LDAH: variants seen among roughly 807,000 people sequenced by gnomAD.
The protein encoded by LDAH is lipid droplet-associated hydrolase.
In LDAH, 26 loss-of-function variants were observed where a neutral mutation model predicts 29.6. The ratio of observed to expected loss-of-function variants is 0.88; its 90% CI spans 0.64 to 1.22. The LOEUF (loss-of-function observed/expected upper bound fraction) is 1.22, where lower values mean the gene tolerates loss of function less well. Among genes scored for constraint, LDAH ranks in the 50% most tolerant of loss-of-function variants. The pLI is 0.00. For missense variants in LDAH, 344 were observed against 387.3 expected (o/e 0.89, Z 0.94); for synonymous variants, 117 against 133.0 (o/e 0.88, Z 0.83).
intron 1 of LDAH, among the ~76,000 whole-genome samples, chr2:20,815,354 T>A (rs917331114): frequency 2.6e-5 from 4 of 151,724 alleles, no homozygotes; most frequent in African/African-American, 9.7e-5. Flanking sequence ...GAAGAAAGTA[T>A]GGCGCTGAAA....
At chr2:20,795,393 C>A (rs866173715) in intron 2 of LDAH, among the ~76,000 whole-genome samples, 1 of 152,112 alleles carries the variant, frequency 6.6e-6, no homozygotes, top group African/African-American at 2.4e-5. Flanking sequence ...ATTCATGGAG[C>A]CTTATCTGCT....
chr2:20,722,545 T>C (rs1211729628), intron 5 of LDAH, among the ~76,000 whole-genome samples: 1 of 152,000 alleles, frequency 6.6e-6, no homozygotes, highest in Non-Finnish European at 1.5e-5. Context: ...GATAATGCAG[T>C]GGGAAAATTA....
intron 5 of LDAH, among the ~76,000 whole-genome samples, chr2:20,732,089 G>C (rs1239710323): frequency 6.6e-6 from 1 of 152,028 alleles, no homozygotes; most frequent in Non-Finnish European, 1.5e-5. Context: ...TCTAGTCTTA[G>C]AAGAAAAGCA....
intron 1 of LDAH, among the ~76,000 whole-genome samples, chr2:20,814,979 AG>A (rs1305313994): frequency 6.6e-6 from 1 of 152,208 alleles, no homozygotes; most frequent in African/African-American, 2.4e-5. Flanking sequence ...AACTCTGCAG[AG>A]GTTTAAAATC....
chr2:20,799,401 A>G (rs1273972168), intron 2 of LDAH, among the ~76,000 whole-genome samples: 2 of 152,100 alleles, frequency 1.3e-5, no homozygotes, highest in South Asian at 2.1e-4. Context: ...GGTACATGTG[A>G]TATTTCGTTA....
chr2:20,718,679 T>C (rs1480607281), intron 5 of LDAH, among the ~76,000 whole-genome samples: 2 of 152,174 alleles, frequency 1.3e-5, no homozygotes, highest in Non-Finnish European at 2.9e-5. Context: ...AACAGACATT[T>C]ATGAGCATTT....
chr2:20,684,934 A>G lies in LDAH; in HGVS notation c.*1969T>C. 1.3e-6 allele frequency: 2 copies of G among 1,549,914 alleles called. No individual in the cohort carries two copies. Among genetic ancestry groups the G allele is most frequent in the Non-Finnish European group, 1.7e-6 (2 of 1,146,700 alleles). On this transcript the variant is annotated 3_prime_UTR_variant, in exon 7 of 7. Coordinates refer to ENST00000237822, the MANE Select transcript of LDAH (RefSeq NM_021925.4). ...ATCTGATTCTTCCACCTATGAAAAA[A>G]GCAATGAGAAAGGTGGCTTTTCACT...
At chr2:20,719,246 T>C (rs1362614621) in intron 5 of LDAH, among the ~76,000 whole-genome samples, 2 of 118,542 alleles carry the variant, frequency 1.7e-5, no homozygotes, top group African/African-American at 5.8e-5. Context: ...TTTTTAAAGA[T>C]AGACAATACC....
rs1671664859 is a variant in LDAH at position 20,801,546 on chromosome 2, AG to A, written c.-2-82del. ...CAAAGACAAAATTCAAGAATAAAAAAGGGCAAGTTTCAATATACCTAGAAGG... is the reference window on the plus strand; with the variant it reads ...CAAAGACAAAATTCAAGAATAAAAAAGGCAAGTTTCAATATACCTAGAAGG... On this transcript the variant is annotated intron_variant, in intron 1 of 6. Coordinates refer to ENST00000237822, the MANE Select transcript of LDAH (RefSeq NM_021925.4). 5 of 1,235,106 alleles carry A rather than the reference AG, an allele frequency of 4.0e-6. No homozygotes were observed. The East Asian group carries it at 1.2e-4, about 29-fold the overall frequency. 76.5% of individuals were successfully genotyped at this position (1,235,106 alleles called of 1,614,324 possible).
At chr2:20,719,229 T>TC (rs1380394709) in intron 5 of LDAH, among the ~76,000 whole-genome samples, 22 of 150,500 alleles carry the variant, frequency 1.5e-4, no homozygotes, top group Non-Finnish European at 1.5e-4. Flanking sequence ...AAAAAGTTTT[T>TC]TTTTTTTTTT....
chr2:20,753,428 T>C (rs2625569), intron 4 of LDAH, among the ~76,000 whole-genome samples: 88,559 of 152,114 alleles, frequency 0.58, 27,335 homozygotes, highest in South Asian at 0.8. Context: ...CACTGGCTGA[T>C]GGGATACATT....
At chr2:20,813,102 A>T (rs1198880360) in intron 1 of LDAH, among the ~76,000 whole-genome samples, 1 of 152,204 alleles carries the variant, frequency 6.6e-6, no homozygotes, top group African/African-American at 2.4e-5. Context: ...ACTTATATGC[A>T]TATATATAAT....
intron 5 of LDAH, among the ~76,000 whole-genome samples, chr2:20,717,410 A>G (rs1466179581): frequency 6.6e-6 from 1 of 152,242 alleles, no homozygotes; most frequent in Middle Eastern, 3.2e-3. Flanking sequence ...GCTGGAAACC[A>G]AACATCAAGA....
intron 3 of LDAH, chr2:20,788,770 AT>A: frequency 4.4e-6 from 1 of 229,750 alleles, no homozygotes; most frequent in South Asian, 5.6e-5. Flanking sequence ...GAGCATTCCA[AT>A]TGTTACACCT....
intron 4 of LDAH, among the ~76,000 whole-genome samples, chr2:20,750,310 G>A (rs1667886955): frequency 6.6e-6 from 1 of 152,172 alleles, no homozygotes; most frequent in African/African-American, 2.4e-5. Context: ...ACAGGCGTGA[G>A]CCACTGTGCC....
chr2:20,783,424 T>TA (rs556373837), intron 3 of LDAH, among the ~76,000 whole-genome samples: 50 of 152,366 alleles, frequency 3.3e-4, no homozygotes, highest in Admixed American at 2.5e-3. Flanking sequence ...TTTCCACTTA[T>TA]AATAGTGCAG....
At chr2:20,783,212 T>C (rs1297556325) in intron 3 of LDAH, among the ~76,000 whole-genome samples, 2 of 152,182 alleles carry the variant, frequency 1.3e-5, no homozygotes. Context: ...ATTTTAAGTT[T>C]CTTAAGGTAT....
intron 1 of LDAH, among the ~76,000 whole-genome samples, chr2:20,815,831 A>T (rs1467118191): frequency 3.9e-5 from 6 of 152,176 alleles, no homozygotes; most frequent in Non-Finnish European, 8.8e-5. Context: ...TGAGTAAAGG[A>T]AGAACACTGG....
intron 2 of LDAH, among the ~76,000 whole-genome samples, chr2:20,800,031 G>A (rs1346959000): frequency 3.3e-5 from 5 of 152,180 alleles, no homozygotes; most frequent in African/African-American, 1.2e-4. Context: ...TACAATAAAT[G>A]GTTGTGGACC....
Sources: gnomAD v4.1 joint callset for allele counts (sites outside exome capture counted in the v4.1 genomes callset) on GRCh38, gnomAD v4.1.1 for gene constraint, MANE v1.5 for transcripts, NCBI Gene and HGNC (gene_info 2026-07-23, HGNC 2026-07-21) for gene names.